PCDH11X: variants seen among roughly 807,000 people sequenced by gnomAD.
PCDH11X encodes protocadherin 11 X-linked.
In PCDH11X, 18 loss-of-function variants were observed where a neutral mutation model predicts 53.3. That is an observed-to-expected ratio of 0.34 (90% CI 0.23 to 0.50). The LOEUF (loss-of-function observed/expected upper bound fraction) is 0.50. Ranked by LOEUF, PCDH11X falls within the 20% of genes least tolerant of loss-of-function variation. PCDH11X has a pLI of 0.98. For missense variants in PCDH11X, 570 were observed against 1,032.4 expected, an observed-to-expected ratio of 0.55 and a Z score of 6.14; for synonymous variants, 279 against 393.3, an observed-to-expected ratio of 0.71 and a Z score of 3.44.
At chrX:92,401,573 A>C (rs2071388027) in intron 9 of PCDH11X, among the ~76,000 whole-genome samples, 1 of 112,026 alleles carries the variant, frequency 8.9e-6, no homozygotes, top group Admixed American at 9.5e-5. Context: ...AGTAACCACA[A>C]GGCAATATGC....
At chrX:91,841,725 T>C (rs1937524463) in intron 5 of PCDH11X, among the ~76,000 whole-genome samples, 2 of 109,839 alleles carry the variant, frequency 1.8e-5, no homozygotes, top group Admixed American at 9.9e-5. Context: ...TAATCTAAGA[T>C]TATAAATATC....
At chrX:92,081,118 A>G (rs1403241909) in intron 6 of PCDH11X, among the ~76,000 whole-genome samples, 2 of 111,647 alleles carry the variant, frequency 1.8e-5, no homozygotes, top group Non-Finnish European at 1.9e-5. Context: ...TTCCTTCAAT[A>G]CTAATAAAAT....
intron 9 of PCDH11X, among the ~76,000 whole-genome samples, chrX:92,397,964 C>G (rs2071284106): frequency 9.0e-6 from 1 of 110,677 alleles, no homozygotes; most frequent in Non-Finnish European, 1.9e-5. Context: ...TGTTTTTATT[C>G]AAGTAGAAAA....
intron 6 of PCDH11X, among the ~76,000 whole-genome samples, chrX:92,052,423 T>C (rs1602761681): frequency 1.3e-5 from 1 of 79,433 alleles, no homozygotes. Context: ...TCTGCATTGA[T>C]TGACTTGCTC....
At chrX:91,912,812 A>T (rs1463833990) in intron 6 of PCDH11X, among the ~76,000 whole-genome samples, 1 of 110,824 alleles carries the variant, frequency 9.0e-6, no homozygotes. Flanking sequence ...GAATTCACAG[A>T]TCCTTTGAAG....
rs1338915698 is a variant in PCDH11X at position 92,113,046 on chromosome X, A to G, written c.3034-88329A>G. Among the ~76,000 whole-genome samples, 2 of 109,194 alleles carry G rather than the reference A, an allele frequency of 1.8e-5. 1 individual carries two copies. The highest frequency in any genetic ancestry group is 7.0e-5 in the African/African-American group (2 of 28,687). The allele number at this position is 109,194 out of a possible 115,157, so 94.8% of individuals were successfully genotyped here. A position where few individuals can be genotyped will look rare whatever the true frequency, so the allele number is the denominator to read the frequency against. On this transcript the variant is annotated intron_variant, in intron 6 of 10. Coordinates refer to ENST00000682573, the MANE Select transcript of PCDH11X (RefSeq NM_032968.5). ...GTGTATAGGGGTTAGATTCAGGGGA[A>G]GGAACAGTACTTCTACTTTAACCAT...
In PCDH11X at chrX:92,032,850, G is replaced by T. The variant is rs1216138358; in HGVS notation, c.3033+153577G>T. 5.3e-5 allele frequency among the ~76,000 whole-genome samples: 5 copies of T among 94,871 alleles called. No homozygotes were observed. In the Admixed American group the frequency reaches 5.8e-4, roughly 11 times the overall value. 82.4% of individuals were successfully genotyped at this position (94,871 alleles called of 115,157 possible). On this transcript the variant is annotated intron_variant, in intron 6 of 10. Transcript: ENST00000682573. Reference sequence around the variant, plus strand: ...TAAATCCCACTTGACCATGATAAATGATTTTTTTTTTTTTTTGAGGCTAAT... The same window carrying T: ...TAAATCCCACTTGACCATGATAAATTATTTTTTTTTTTTTTTGAGGCTAAT...
intron 4 of PCDH11X, 143 bp from the exon 5 acceptor site, chrX:91,835,318 A>G: frequency 1.7e-6 from 2 of 1,186,516 alleles, no homozygotes; most frequent in Non-Finnish European, 2.3e-6. Context: ...GAACAAATTT[A>G]TCACTAATTA....
chrX:92,354,672 A>C (rs1768681658), intron 8 of PCDH11X, among the ~76,000 whole-genome samples: 2 of 111,725 alleles, frequency 1.8e-5, no homozygotes, highest in South Asian at 7.5e-4. Flanking sequence ...TATTACTATA[A>C]ATGAAGAATT....
intron 2 of PCDH11X, among the ~76,000 whole-genome samples, 25 bp downstream of exon 2, chrX:91,809,659 T>C (rs1403685251): frequency 9.5e-6 from 1 of 105,656 alleles, no homozygotes; most frequent in Non-Finnish European, 1.9e-5. Context: ...TTTAATTTAT[T>C]AAATTAAATT....
At chrX:92,371,982 ATAT>A (rs1423136847) in intron 8 of PCDH11X, among the ~76,000 whole-genome samples, 4 of 111,339 alleles carry the variant, frequency 3.6e-5, no homozygotes, top group Middle Eastern at 4.3e-3. Flanking sequence ...TGTAAGAAAT[ATAT>A]TATATGTCTA....
intron 9 of PCDH11X, among the ~76,000 whole-genome samples, chrX:92,416,663 T>C (rs1418826141): frequency 9.0e-6 from 1 of 110,809 alleles, no homozygotes; most frequent in Non-Finnish European, 1.9e-5. Context: ...TTTACCCCAT[T>C]ACCCTAATTT....
At chrX:92,313,029 A>G (rs2068984004) in intron 8 of PCDH11X, among the ~76,000 whole-genome samples, 1 of 111,486 alleles carries the variant, frequency 9.0e-6, no homozygotes, top group Admixed American at 9.6e-5. Context: ...ATTAATGGCT[A>G]GATTATTATG....
intron 5 of PCDH11X, among the ~76,000 whole-genome samples, chrX:91,848,001 A>G (rs1312120688): frequency 1.8e-5 from 2 of 111,587 alleles, no homozygotes; most frequent in Admixed American, 9.5e-5. Flanking sequence ...CTAAACAAGT[A>G]AAGTTTTCAG....
Position 92,162,385 on chromosome X carries a change from T to C in PCDH11X, c.3034-38990T>C, listed in dbSNP as rs139517658. On this transcript the variant is annotated intron_variant, in intron 6 of 10. Transcript: ENST00000682573. ...TTTTGTATTTTTAGTAGAGATGAGG[T>C]TTCACCATATTGGCTAGGCTGGTCT... Among the ~76,000 whole-genome samples the C allele has an allele frequency of 4.1e-3, 451 of 109,719 alleles. 20 individuals are homozygous for C. The East Asian group carries it at 0.1, about 25-fold the overall frequency.
chrX:92,339,829 C>T (rs2069710326), intron 8 of PCDH11X, among the ~76,000 whole-genome samples: 1 of 108,291 alleles, frequency 9.2e-6, no homozygotes, highest in Non-Finnish European at 1.9e-5. Flanking sequence ...ACTCTTGGCC[C>T]CCTCAAATCT....
intron 6 of PCDH11X, among the ~76,000 whole-genome samples, chrX:92,142,369 C>T (rs756861579): frequency 1.4e-3 from 97 of 71,440 alleles, no homozygotes; most frequent in South Asian, 0.013. Flanking sequence ...TGTGCGCGCG[C>T]GCACACACAC....
chrX:91,917,304 C>G (rs1382514068), intron 6 of PCDH11X, among the ~76,000 whole-genome samples: 1 of 106,227 alleles, frequency 9.4e-6, no homozygotes, highest in East Asian at 3.0e-4. Flanking sequence ...ACTGGGAGTC[C>G]TACCAGATCA....
rs1366581225 is a variant in PCDH11X at position 92,551,995 on chromosome X, T to TG, written c.3368-66269_3368-66268insG. Among the ~76,000 whole-genome samples the TG allele has an allele frequency of 1.3e-3, 129 of 97,717 alleles. 1 individual carries two copies. The highest frequency in any genetic ancestry group is 2.1e-3 in the Non-Finnish European group (101 of 47,846). The allele number at this position is 97,717 out of a possible 115,157, so 84.9% of individuals were successfully genotyped here. A position where few individuals can be genotyped will look rare whatever the true frequency, so the allele number is the denominator to read the frequency against. On this transcript the variant is annotated intron_variant, in intron 10 of 10. Transcript: ENST00000682573. ...AGGTAAGGTGATTCCTCTGGTTTTT[T>TG]TTTTTTTTTTTTCTCAGGATAGCTT...
Sources: gnomAD v4.1 joint callset for allele counts (sites outside exome capture counted in the v4.1 genomes callset) on GRCh38, gnomAD v4.1.1 for gene constraint, MANE v1.5 for transcripts, NCBI Gene and HGNC (gene_info 2026-07-23, HGNC 2026-07-21) for gene names.